Variants in RPS6KC1 observed in about 807,000 individuals in gnomAD.
RPS6KC1 encodes the protein inactive ribosomal protein S6 kinase delta-1.
In RPS6KC1, 54 loss-of-function variants were observed where a neutral mutation model predicts 103.8. The observed-to-expected ratio is 0.52, with a 90% CI of 0.42 to 0.65. The LOEUF is 0.65. Among genes scored for constraint, RPS6KC1 ranks in the 30% least tolerant of loss-of-function variants. The pLI is 0.00. For missense variants in RPS6KC1, 1,151 were observed against 1,253.8 expected, an observed-to-expected ratio of 0.92 and a Z score of 1.24; for synonymous variants, 439 against 438.7, an observed-to-expected ratio of 1.00 and a Z score of -0.01.
the RPS6KC1 span, among the ~76,000 whole-genome samples, chr1:213,831,957 C>G: frequency 1.3e-5 from 2 of 152,138 alleles, no homozygotes; most frequent in African/African-American, 4.8e-5. Flanking sequence ...GGCTCCAGCC[C>G]ACCTATTCTT....
chr1:213,550,457 A>G, the RPS6KC1 span, among the ~76,000 whole-genome samples: 2 of 152,124 alleles, frequency 1.3e-5, no homozygotes, highest in South Asian at 2.1e-4. Flanking sequence ...ATGTTAATAC[A>G]TCGATTCGCT....
chr1:213,628,897 G>C, the RPS6KC1 span, among the ~76,000 whole-genome samples: 1 of 152,184 alleles, frequency 6.6e-6, no homozygotes, highest in Non-Finnish European at 1.5e-5. Flanking sequence ...GCAGTTTTGA[G>C]TGAGTTTCTT....
At chr1:213,219,452 G>T (rs552718922) in intron 8 of RPS6KC1, among the ~76,000 whole-genome samples, 2 of 152,142 alleles carry the variant, frequency 1.3e-5, no homozygotes, top group Admixed American at 6.5e-5. Flanking sequence ...TCAGTGTGGC[G>T]ATTCCTCAGG....
At chr1:213,256,664 C>T (rs1458887027) in intron 12 of RPS6KC1, among the ~76,000 whole-genome samples, 2 of 152,176 alleles carry the variant, frequency 1.3e-5, no homozygotes, top group Non-Finnish European at 2.9e-5. Context: ...AGGTCTCTTG[C>T]TGCTGTCTGT....
the RPS6KC1 span, among the ~76,000 whole-genome samples, chr1:213,473,326 C>T: frequency 6.6e-6 from 1 of 152,212 alleles, no homozygotes; most frequent in Admixed American, 6.5e-5. Flanking sequence ...CTGCTATCCC[C>T]CAATAGTGGA....
intron 3 of RPS6KC1, among the ~76,000 whole-genome samples, chr1:213,093,811 T>C (rs540090378): frequency 6.6e-6 from 1 of 152,340 alleles, no homozygotes; most frequent in African/African-American, 2.4e-5. Context: ...GCTAGATGCA[T>C]GTCAGCTAGT....
the RPS6KC1 span, among the ~76,000 whole-genome samples, chr1:213,630,705 G>T: frequency 1.3e-5 from 2 of 152,154 alleles, no homozygotes; most frequent in Non-Finnish European, 2.9e-5. Context: ...CATCTTTGTG[G>T]TTTTATCTAC....
chr1:213,181,447 A>C (rs761567450), intron 8 of RPS6KC1, among the ~76,000 whole-genome samples: 1 of 152,212 alleles, frequency 6.6e-6, no homozygotes, highest in Non-Finnish European at 1.5e-5. Context: ...GCCATTGGAA[A>C]AATGTAGGCA....
chr1:213,635,737 C>T, the RPS6KC1 span, among the ~76,000 whole-genome samples: 2 of 152,202 alleles, frequency 1.3e-5, no homozygotes, highest in African/African-American at 4.8e-5. Context: ...CTCACCACTC[C>T]TATTCAACAT....
chr1:213,602,076 TTC>T, the RPS6KC1 span, among the ~76,000 whole-genome samples: 120 of 44,474 alleles, frequency 2.7e-3, 15 homozygotes, highest in African/African-American at 0.013. Context: ...CTTTCTTTCT[TTC>T]TCTTTCTTTC....
the RPS6KC1 span, among the ~76,000 whole-genome samples, chr1:213,588,782 T>C: frequency 6.6e-6 from 1 of 152,082 alleles, no homozygotes; most frequent in Admixed American, 6.5e-5. Flanking sequence ...AAAGGGCAGG[T>C]CCCTCTGCAG....
At chr1:213,784,112 T>G in the RPS6KC1 span, among the ~76,000 whole-genome samples, 2 of 152,306 alleles carry the variant, frequency 1.3e-5, no homozygotes, top group African/African-American at 2.4e-5. Flanking sequence ...ACCAGCTCAC[T>G]TTCACTGACT....
the RPS6KC1 span, among the ~76,000 whole-genome samples, chr1:213,683,092 C>T: frequency 6.6e-6 from 1 of 152,152 alleles, no homozygotes; most frequent in African/African-American, 2.4e-5. Context: ...AATAAGACTG[C>T]AATAAACATC....
the RPS6KC1 span, among the ~76,000 whole-genome samples, chr1:213,681,412 G>T: frequency 6.6e-6 from 1 of 152,176 alleles, no homozygotes; most frequent in South Asian, 2.1e-4. Context: ...ACCATGTCAA[G>T]GGATAAGAGC....
chr1:213,555,098 G>A, the RPS6KC1 span, among the ~76,000 whole-genome samples: 35 of 152,158 alleles, frequency 2.3e-4, no homozygotes, highest in Admixed American at 1.2e-3. Context: ...ACACCTATTC[G>A]TAGAAGAAAG....
chr1:213,538,680 G>A, the RPS6KC1 span, among the ~76,000 whole-genome samples: 2 of 152,024 alleles, frequency 1.3e-5, no homozygotes, highest in East Asian at 3.9e-4. Flanking sequence ...TTTGAGGAGG[G>A]GCAGGAGGAA....
At chr1:213,304,784 G>A in the RPS6KC1 span, among the ~76,000 whole-genome samples, 9 of 151,992 alleles carry the variant, frequency 5.9e-5, no homozygotes, top group South Asian at 2.1e-4. Flanking sequence ...GAGGTGATCC[G>A]CCTGCCTTGG....
chr1:213,380,012 GATAC>G, the RPS6KC1 span, among the ~76,000 whole-genome samples: 4 of 152,094 alleles, frequency 2.6e-5, no homozygotes, highest in South Asian at 8.3e-4. Flanking sequence ...CTGTTATAAA[GATAC>G]ATGCATGTGT....
intron 3 of RPS6KC1, among the ~76,000 whole-genome samples, chr1:213,091,282 G>A (rs775110770): frequency 2.0e-5 from 3 of 151,770 alleles, no homozygotes; most frequent in Admixed American, 1.3e-4. Flanking sequence ...GGATGATCTC[G>A]ATCTCCTGAC....
Sources: allele counts gnomAD v4.1 joint callset (sites outside exome capture counted in the v4.1 genomes callset), GRCh38; gene constraint gnomAD v4.1.1; transcripts MANE v1.5; gene names NCBI Gene and HGNC (gene_info 2026-07-23, HGNC 2026-07-21).